SHISA9: variants seen among roughly 807,000 people sequenced by gnomAD.
SHISA9 encodes protein shisa-9.
A neutral mutation model predicts 38.0 loss-of-function variants in SHISA9; 13 were observed. That is an observed-to-expected ratio of 0.34 (90% CI 0.22 to 0.54). SHISA9 has a LOEUF of 0.54. Ranked by LOEUF, SHISA9 falls within the 20% of genes least tolerant of loss-of-function variation. The pLI is 0.91. For missense variants in SHISA9, 538 were observed against 575.8 expected, an observed-to-expected ratio of 0.93 and a Z score of 0.67; for synonymous variants, 275 against 242.0, an observed-to-expected ratio of 1.14 and a Z score of -1.27.
chr16:12,906,977 G>C (rs552249227), intron 1 of SHISA9, among the ~76,000 whole-genome samples: 8 of 152,198 alleles, frequency 5.3e-5, no homozygotes, highest in South Asian at 4.2e-4. Flanking sequence ...TTTTGTCATA[G>C]TTGCTTTATT....
chr16:13,558,145 G>T, the SHISA9 span, among the ~76,000 whole-genome samples: 1 of 151,956 alleles, frequency 6.6e-6, no homozygotes, highest in East Asian at 1.9e-4. Flanking sequence ...CCAAATCCAT[G>T]CTTGCTTTGC....
At chr16:13,249,931 G>T in the SHISA9 span, among the ~76,000 whole-genome samples, 4 of 152,044 alleles carry the variant, frequency 2.6e-5, no homozygotes, top group African/African-American at 9.7e-5. Context: ...CCAGGGTTTT[G>T]CTATGTTGCC....
chr16:13,018,310 T>C (rs941428549), intron 2 of SHISA9, among the ~76,000 whole-genome samples: 12 of 152,268 alleles, frequency 7.9e-5, no homozygotes, highest in Middle Eastern at 6.8e-3. Flanking sequence ...TGGCCTCCAA[T>C]TTGAATCTAG....
intron 2 of SHISA9, among the ~76,000 whole-genome samples, chr16:13,199,925 G>A (rs1177714532): frequency 6.6e-6 from 1 of 152,168 alleles, no homozygotes; most frequent in Admixed American, 6.5e-5. Flanking sequence ...CTGAGCGAGG[G>A]TATCTCTGGC....
intron 2 of SHISA9, among the ~76,000 whole-genome samples, chr16:13,189,831 C>G (rs1299643838): frequency 6.6e-6 from 1 of 152,140 alleles, no homozygotes; most frequent in Middle Eastern, 3.2e-3. Flanking sequence ...CACATTAGAA[C>G]TGCGAGTAAA....
chr16:13,469,423 A>AAGAAAGAAAG, the SHISA9 span, among the ~76,000 whole-genome samples: 99 of 115,914 alleles, frequency 8.5e-4, 2 homozygotes, highest in South Asian at 1.8e-3. Context: ...GAAAGAAAGA[A>AAGAAAGAAAG]AAAGAAAGAA....
intron 4 of SHISA9, among the ~76,000 whole-genome samples, chr16:13,233,798 C>T (rs1331783546): frequency 6.6e-6 from 1 of 152,086 alleles, no homozygotes; most frequent in African/African-American, 2.4e-5. Flanking sequence ...ATTGCTTGAG[C>T]CCCGGAGTTC....
chr16:13,137,479 CAG>C (rs999392044), intron 2 of SHISA9, among the ~76,000 whole-genome samples: 1 of 150,542 alleles, frequency 6.6e-6, no homozygotes, highest in African/African-American at 2.4e-5. Context: ...TTTTTTGAGA[CAG>C]AGTCTCAATC....
chr16:13,187,329 T>TTTTCTTTTCTTTTCTTTTC (rs777584437), intron 2 of SHISA9, among the ~76,000 whole-genome samples: 1 of 36,126 alleles, frequency 2.8e-5, no homozygotes, highest in African/African-American at 1.1e-4. Flanking sequence ...TTTTCTTTTC[T>TTTTCTTTTCTTTTCTTTTC]TTTTTTTTTT....
chr16:12,916,011 GT>G (rs34050190), intron 1 of SHISA9, among the ~76,000 whole-genome samples: 1,015 of 90,428 alleles, frequency 0.011, 3 homozygotes, highest in African/African-American at 0.033. Context: ...GTGTGTGTGT[GT>G]TTTTTTTTTT....
chr16:13,399,703 C>T, the SHISA9 span, among the ~76,000 whole-genome samples: 1 of 152,200 alleles, frequency 6.6e-6, no homozygotes, highest in East Asian at 1.9e-4. Flanking sequence ...TGGCTATGGT[C>T]TTCCAGCACA....
chr16:13,048,442 G>A (rs535942511), intron 2 of SHISA9, among the ~76,000 whole-genome samples: 118 of 151,652 alleles, frequency 7.8e-4, no homozygotes, highest in African/African-American at 2.7e-3. Context: ...TTTTTTTTGA[G>A]ACGGAGTCTA....
At chr16:13,341,660 C>G in the SHISA9 span, among the ~76,000 whole-genome samples, 1 of 152,208 alleles carries the variant, frequency 6.6e-6, no homozygotes, top group Non-Finnish European at 1.5e-5. Context: ...TCAGTTCTTA[C>G]AGTGCCTTTG....
At chr16:13,381,430 A>G in the SHISA9 span, among the ~76,000 whole-genome samples, 4 of 152,212 alleles carry the variant, frequency 2.6e-5, no homozygotes, top group Non-Finnish European at 5.9e-5. Context: ...GCAACTCTCA[A>G]CTCCAGGAAA....
chr16:13,018,062 C>T (rs2072779125), intron 2 of SHISA9, among the ~76,000 whole-genome samples: 1 of 152,228 alleles, frequency 6.6e-6, no homozygotes. Flanking sequence ...GTGTTGTCCT[C>T]TGCTGAGGAG....
chr16:13,435,733 A>T, the SHISA9 span, among the ~76,000 whole-genome samples: 1 of 152,230 alleles, frequency 6.6e-6, no homozygotes, highest in South Asian at 2.1e-4. Context: ...TGAAGATTTG[A>T]TTCACAAGGC....
chr16:12,960,227 G>A (rs976364020), intron 2 of SHISA9, among the ~76,000 whole-genome samples: 4 of 152,060 alleles, frequency 2.6e-5, no homozygotes, highest in East Asian at 1.9e-4. Flanking sequence ...TTTTCCCTCC[G>A]TCACAATGTC....
At chr16:13,225,101 G>A (rs899131726) in intron 4 of SHISA9, among the ~76,000 whole-genome samples, 10 of 151,862 alleles carry the variant, frequency 6.6e-5, no homozygotes, top group African/African-American at 1.9e-4. Context: ...ATAAACACAC[G>A]CACACACACA....
the SHISA9 span, among the ~76,000 whole-genome samples, chr16:13,457,576 C>T: frequency 9.2e-5 from 14 of 151,836 alleles, no homozygotes; most frequent in South Asian, 4.2e-4. Context: ...TTTATGCAGA[C>T]GCCAGCTTTG....
Sources: gnomAD v4.1 joint callset for allele counts (sites outside exome capture counted in the v4.1 genomes callset) on GRCh38, gnomAD v4.1.1 for gene constraint, MANE v1.5 for transcripts, NCBI Gene and HGNC (gene_info 2026-07-23, HGNC 2026-07-21) for gene names.